The following ALDH3B2 variants were observed in gnomAD, a reference collection of about 807,000 sequenced individuals.
The protein encoded by ALDH3B2 is aldehyde dehydrogenase family 3 member B2.
Under a neutral mutation model 36.7 loss-of-function variants are expected in ALDH3B2, and 45 were observed. The ratio of observed to expected loss-of-function variants is 1.23; its 90% CI spans 0.97 to 1.57. The LOEUF is 1.57. Among genes scored for constraint, ALDH3B2 ranks in the 40% most tolerant of loss-of-function variants. The pLI is 0.00. For synonymous variants in ALDH3B2, 217 were observed against 226.5 expected (o/e 0.96, Z 0.38); for missense variants, 464 against 513.3 (o/e 0.90, Z 0.93).
rs760583105 is a variant in ALDH3B2 at position 67,666,657 on chromosome 11, G to T, written c.68C>A (p.Pro23His). The change falls in exon 4 of 10, where the codon CCC (proline) becomes CAC (histidine). Residue 23 changes from proline to histidine, a missense_variant. By Grantham distance (77) the Pro-to-His change is moderately conservative. Coordinates refer to ENST00000349015, the Ensembl canonical transcript of ALDH3B2. Reference sequence around the variant, plus strand: ...TGCGATGATGAGGACCAGGCCAAAGGGTTCCTTCCAGATGAAGACCGAGTC... The same window carrying T: ...TGCGATGATGAGGACCAGGCCAAAGTGTTCCTTCCAGATGAAGACCGAGTC... 4 of 1,614,048 alleles carry T rather than the reference G, an allele frequency of 2.5e-6. No individual in the cohort carries two copies. In the African/African-American group the frequency reaches 4.0e-5, roughly 16 times the overall value.
At chr11:67,678,167 T>C (rs1856304688), upstream of ALDH3B2, among the ~76,000 whole-genome samples, 1 of 152,140 alleles carries the variant, frequency 6.6e-6, no homozygotes. Context: ...AAAGCAAGAC[T>C]AAGCCAAAAG....
chr11:67,662,770 G>A (rs1855778864), exon 10 of ALDH3B2: 1 of 193,290 alleles, frequency 5.2e-6, no homozygotes. Flanking sequence ...AGGCAGTGCT[G>A]GTGCAGTTGG....
intron 7 of ALDH3B2, 152 bp downstream of exon 7, chr11:67,665,133 C>A: frequency 7.3e-7 from 1 of 1,366,100 alleles, no homozygotes; most frequent in Non-Finnish European, 9.9e-7. Context: ...AGCACAGAGA[C>A]GGAATCGTGG....
At chr11:67,676,287 A>G (rs1298519761), upstream of ALDH3B2, among the ~76,000 whole-genome samples, 1 of 152,134 alleles carries the variant, frequency 6.6e-6, no homozygotes, top group Non-Finnish European at 1.5e-5. Flanking sequence ...TAAAACTGGA[A>G]ATCAACTCCA....
intron 1 of ALDH3B2, among the ~76,000 whole-genome samples, chr11:67,668,144 G>A (rs1855971909): frequency 6.6e-6 from 1 of 152,196 alleles, no homozygotes; most frequent in Admixed American, 6.5e-5. Flanking sequence ...GAGCTTTGAG[G>A]TCGCAGATGG....
Position 67,666,952 on chromosome 11 carries a change from T to A in ALDH3B2, c.-17A>T. 1 of 1,614,158 alleles carries A rather than the reference T, an allele frequency of 6.2e-7. No individual in the cohort carries two copies. Among genetic ancestry groups the A allele is most frequent in the Non-Finnish European group, 8.5e-7 (1 of 1,179,976 alleles). ...ATCCTTCATCCAGGCCTGCAGGTTC[T>A]TGAGAGCGTAGTCAACCTCGTTCTG... On this transcript the variant is annotated 5_prime_UTR_variant, in exon 3 of 10. It adds an upstream start codon to the 5' untranslated region. Transcript: ENST00000349015.
At chr11:67,665,052 C>T (rs1483246922) in intron 7 of ALDH3B2, among the ~76,000 whole-genome samples, 1 of 152,160 alleles carries the variant, frequency 6.6e-6, no homozygotes, top group Non-Finnish European at 1.5e-5. Flanking sequence ...GCCCTGGAGC[C>T]CTGGAATCTG....
intron 9 of ALDH3B2, 79 bp from the exon 10 acceptor site, chr11:67,663,478 G>A: frequency 6.6e-7 from 1 of 1,513,948 alleles, no homozygotes; most frequent in Non-Finnish European, 9.0e-7. Flanking sequence ...CCCGGCCAGG[G>A]CACACAGCTG....
intron 1 of ALDH3B2, chr11:67,671,314 A>G (rs1469932080): frequency 1.3e-5 from 2 of 152,290 alleles, no homozygotes; most frequent in African/African-American, 2.4e-5. Context: ...TCACGGAGCC[A>G]GCAGCATCTG....
chr11:67,668,568 G>A (rs1326077504), intron 1 of ALDH3B2, among the ~76,000 whole-genome samples: 1 of 152,120 alleles, frequency 6.6e-6, no homozygotes, highest in Non-Finnish European at 1.5e-5. Flanking sequence ...GTGTATCCGT[G>A]TGTCTGTGTG....
chr11:67,662,335 G>C (rs1420145247), exon 10 of ALDH3B2: 1 of 152,266 alleles, frequency 6.6e-6, no homozygotes, highest in Non-Finnish European at 1.5e-5. Flanking sequence ...CTGATCGCAG[G>C]AGTTGGCGAT....
chr11:67,678,353 A>G (rs1057275478), upstream of ALDH3B2, among the ~76,000 whole-genome samples: 9 of 152,200 alleles, frequency 5.9e-5, no homozygotes, highest in Admixed American at 4.6e-4. Context: ...CAAATAAACA[A>G]AAACATAAAG....
chr11:67,663,890 C>T (rs550915491), intron 8 of ALDH3B2, 129 bp from the exon 9 acceptor site: 8 of 726,336 alleles, frequency 1.1e-5, no homozygotes, highest in African/African-American at 3.6e-5. Flanking sequence ...CAATAATCTC[C>T]GCTCTAAGCA....
At chr11:67,672,096 TGTA>T (rs1388350876) in intron 1 of ALDH3B2, among the ~76,000 whole-genome samples, 10 of 92,328 alleles carry the variant, frequency 1.1e-4, no homozygotes, top group African/African-American at 4.3e-4. Flanking sequence ...TATGTATGTA[TGTA>T]TTTTGTGTGT....
rs1347782302 is a variant in ALDH3B2 at position 67,664,118 on chromosome 11, G to A, written c.873+278C>T. On this transcript the variant is annotated intron_variant, in intron 8 of 9. Transcript: ENST00000349015. ...CTGCTCTGTCCCTGACCTCCATTCC[G>A]GGCCTCTGCTTGCCTGTGCAGAACC... 2.4e-5 allele frequency: 14 copies of A among 580,906 alleles called. No individual in the cohort carries two copies. In the Middle Eastern group the frequency reaches 2.8e-3, roughly 116 times the overall value. The allele number at this position is 580,906 out of a possible 1,614,324, so 36.0% of individuals were successfully genotyped here.
intron 8 of ALDH3B2, 23 bp downstream of exon 8, chr11:67,664,373 C>T (rs1245059189): frequency 1.9e-6 from 3 of 1,613,568 alleles, no homozygotes; most frequent in South Asian, 1.1e-5. Flanking sequence ...CCTCCATTGC[C>T]CCCAACCCGG....
intron 1 of ALDH3B2, among the ~76,000 whole-genome samples, chr11:67,680,561 C>T (rs750057071): frequency 1.3e-5 from 2 of 152,028 alleles, no homozygotes; most frequent in African/African-American, 4.8e-5. Context: ...GGACTACAGG[C>T]ACACACCACC....
chr11:67,668,992 T>C (rs558307227), intron 1 of ALDH3B2, among the ~76,000 whole-genome samples: 2 of 151,524 alleles, frequency 1.3e-5, no homozygotes, highest in South Asian at 2.1e-4. Flanking sequence ...TGTATGGGTG[T>C]CTGTGTGTGT....
exon 8 of ALDH3B2, chr11:67,664,452 A>T (rs758835381): frequency 3.1e-6 from 5 of 1,614,072 alleles, no homozygotes; most frequent in Non-Finnish European, 4.2e-6. Flanking sequence ...CGGTTGATGA[A>T]CTTGATGGCC....
Sources: allele counts gnomAD v4.1 joint callset (sites outside exome capture counted in the v4.1 genomes callset), GRCh38; gene constraint gnomAD v4.1.1; transcripts MANE v1.5; gene names NCBI Gene and HGNC (gene_info 2026-07-23, HGNC 2026-07-21).